LILRB5: variants seen among roughly 807,000 people sequenced by gnomAD.
LILRB5 encodes the protein leukocyte immunoglobulin-like receptor subfamily B member 5.
A neutral mutation model predicts 68.4 loss-of-function variants in LILRB5; 61 were observed. That is an observed-to-expected ratio of 0.89 (90% CI 0.73 to 1.10). The LOEUF is 1.10. Ranked by LOEUF, LILRB5 falls within the 50% of genes least tolerant of loss-of-function variation. The pLI, the probability that LILRB5 is intolerant of heterozygous loss-of-function variation, is 0.00. For synonymous variants in LILRB5, 356 were observed against 315.8 expected (o/e 1.13, Z -1.35); for missense variants, 771 against 751.6 (o/e 1.03, Z -0.30).
intron 7 of LILRB5, 126 bp downstream of exon 7, chr19:54,254,239 T>C (rs1340710812): frequency 8.3e-6 from 12 of 1,446,888 alleles, no homozygotes; most frequent in Non-Finnish European, 8.3e-6. Context: ...CTCCTCTGGC[T>C]CTGCCCAGCT....
chr19:54,257,059 C>T (rs1360934362), intron 1 of LILRB5, 63 bp from the exon 2 acceptor site: 26 of 1,613,912 alleles, frequency 1.6e-5, no homozygotes, highest in East Asian at 2.2e-5. Context: ...TCTCCTCCCT[C>T]GGAGCCTCTG....
At chr19:54,254,489 G>T in intron 6 of LILRB5, 74 bp from the exon 7 acceptor site, 1 of 1,479,934 alleles carries the variant, frequency 6.8e-7, no homozygotes, top group South Asian at 1.3e-5. Flanking sequence ...ACCTGCCCGT[G>T]GCTTCTCTGG....
intron 8 of LILRB5, chr19:54,253,682 G>A (rs988843300): frequency 5.3e-5 from 40 of 761,764 alleles, no homozygotes; most frequent in African/African-American, 4.6e-4. Flanking sequence ...ATGCGGCAGA[G>A]CTGGGAAGTG....
chr19:54,253,771 C>A, intron 8 of LILRB5: 1 of 1,371,852 alleles, frequency 7.3e-7, no homozygotes, highest in Non-Finnish European at 1.0e-6. Flanking sequence ...AGCCTGAATG[C>A]CCCAAACCAC....
intron 3 of LILRB5, 55 bp downstream of exon 3, chr19:54,256,434 C>A (rs114012168): frequency 6.2e-7 from 1 of 1,601,694 alleles, no homozygotes; most frequent in African/African-American, 1.3e-5. Context: ...CCCTAAGAGC[C>A]GACCCTCTTC....
intron 4 of LILRB5, 112 bp downstream of exon 4, chr19:54,255,931 C>T: frequency 1.1e-6 from 1 of 906,392 alleles, no homozygotes; most frequent in Non-Finnish European, 1.7e-6. Flanking sequence ...GCCTTCAGCC[C>T]ATCCATCAAC....
chr19:54,251,942 G>A (rs923546442), intron 12 of LILRB5, 112 bp downstream of exon 12: 3 of 1,109,748 alleles, frequency 2.7e-6, no homozygotes, highest in Non-Finnish European at 2.8e-6. Context: ...TGGACAAGGA[G>A]GGGTCCACCG....
Position 54,249,768 on chromosome 19 carries a change from C to T in LILRB5, c.*1018G>A, listed in dbSNP as rs2078889542. On this transcript the variant is annotated 3_prime_UTR_variant, in exon 13 of 13. Coordinates refer to ENST00000449561, the MANE Select transcript of LILRB5 (RefSeq NM_001081442.3). ...AATGTATGGGCTGGACGTGGTGGCT[C>T]ACGCCTGTAAGCCCAGCACTTTGGG... The T allele has an allele frequency of 6.6e-6, 1 of 152,364 alleles. No homozygotes were observed. Among genetic ancestry groups the T allele is most frequent in the East Asian group, 1.9e-4 (1 of 5,182 alleles). 9.4% of individuals were successfully genotyped at this position (152,364 alleles called of 1,614,324 possible). A position where few individuals can be genotyped will look rare whatever the true frequency, so the allele number is the denominator to read the frequency against.
At position 54,254,072 on chromosome 19, in the gene LILRB5, G is replaced by A. The variant is rs900153459; in HGVS notation, c.1307-4C>T. ...AGGGGCTGGTCCTCAGGGCCTGCTG[G>A]GTCAGGACGGGGAGGTGAGGGCTGG... On this transcript the variant is annotated splice_polypyrimidine_tract_variant and splice_region_variant and intron_variant, in intron 7 of 12. Coordinates refer to ENST00000449561, the MANE Select transcript of LILRB5 (RefSeq NM_001081442.3). The A allele has an allele frequency of 3.8e-6, 6 of 1,595,838 alleles. No individual in the cohort carries two copies. The highest frequency in any genetic ancestry group is 2.3e-5 in the East Asian group (1 of 44,276).
In LILRB5 at chr19:54,252,124, G is replaced by A. The variant is rs765481897; in HGVS notation, c.1577-18C>T. 1.2e-6 allele frequency: 2 copies of A among 1,613,770 alleles called. No homozygotes were observed. The highest frequency in any genetic ancestry group is 1.7e-6 in the Non-Finnish European group (2 of 1,179,750). ...GGCAGCATCTGCTGGGCCAGAGCAA[G>A]GGGTTCATCTCCTGGGAAGGTTCTC... On this transcript the variant is annotated intron_variant, in intron 11 of 12. Transcript: ENST00000449561.
chr19:54,252,104 C>T lies in LILRB5; in HGVS notation c.1579G>A (p.Ala527Thr), dbSNP rs1192804914. 1 of 1,614,088 alleles carries T rather than the reference C, an allele frequency of 6.2e-7. No homozygotes were observed. ...TTGGGCTGTGTGTCCTTCACGGCAG[C>T]ATCTGCTGGGCCAGAGCAAGGGGTT... ...VADIQEEILN[A>T]AVKDTQPKDG... The change falls in exon 12 of 13, where the codon GCT (alanine) becomes ACT (threonine). Residue 527 changes from alanine (A) to threonine (T), a missense_variant and splice_region_variant. By Grantham distance (58) the Ala-to-Thr change is moderately conservative (BLOSUM62 0). Coordinates refer to ENST00000449561, the MANE Select transcript of LILRB5 (RefSeq NM_001081442.3).
In LILRB5 at chr19:54,257,240, G is replaced by A. The variant is rs142649800; in HGVS notation, c.-47C>T. ...CAGCTGTGCAGGCGGATGAGACCAC[G>A]GTGCCTGGCAGGACACAAAAACACG... On this transcript the variant is annotated 5_prime_UTR_variant, in exon 1 of 13. Coordinates refer to ENST00000449561, the MANE Select transcript of LILRB5 (RefSeq NM_001081442.3). 4.4e-4 allele frequency: 712 copies of A among 1,613,002 alleles called. 4 individuals are homozygous for A. The African/African-American group carries it at 7.4e-3, about 17-fold the overall frequency.
chr19:54,256,328 G>T lies in LILRB5; in HGVS notation c.370C>A (p.Pro124Thr). ...ELVATGFYAE[P>T]TLLALPSPVV... Reference sequence around the variant, plus strand: ...GGACTCGGCAGGGCTAAAAGAGTGGGTTCTGCATAGAATCCTAGCAGAGAA... The same window carrying T: ...GGACTCGGCAGGGCTAAAAGAGTGGTTTCTGCATAGAATCCTAGCAGAGAA... Residue 124 changes from proline to threonine, a missense_variant, in exon 4 of 13, where the codon CCC becomes ACC. Pro to Thr is a conservative substitution (Grantham distance 38). Transcript: ENST00000449561. The T allele has an allele frequency of 6.2e-7, 1 of 1,607,770 alleles. No homozygotes were observed. The highest frequency in any genetic ancestry group is 8.5e-7 in the Non-Finnish European group (1 of 1,177,202).
Position 54,255,581 on chromosome 19 carries a change from G to A in LILRB5, c.657C>T (p.Gly219=). ...PSDLLEILVP[G]VSRKPSLLIP... ...TCAGGAGGGAGGGCTTCCTAGACACGCCTGGAGGGAAAGAGGAATTGGGAC... is the reference window on the plus strand; with the variant it reads ...TCAGGAGGGAGGGCTTCCTAGACACACCTGGAGGGAAAGAGGAATTGGGAC... The change falls in exon 5 of 13, where the codon GGC becomes GGT. Residue 219 remains glycine, a splice_region_variant and synonymous_variant. Transcript: ENST00000449561. 2.5e-6 allele frequency: 4 copies of A among 1,611,864 alleles called. No homozygotes were observed. Among genetic ancestry groups the A allele is most frequent in the Middle Eastern group, 1.7e-4 (1 of 6,042 alleles).
chr19:54,255,182 C>T, intron 5 of LILRB5, 104 bp downstream of exon 5: 2 of 1,517,458 alleles, frequency 1.3e-6, no homozygotes, highest in South Asian at 1.3e-5. Flanking sequence ...CTCTCCCTCC[C>T]TTGGGACCAC....
intron 12 of LILRB5, chr19:54,251,299 G>C: frequency 1.4e-5 from 12 of 843,054 alleles, no homozygotes. Flanking sequence ...CCCTAAGGCC[G>C]TGGAGGGTCT....
Position 54,252,349 on chromosome 19 carries a change from C to G in LILRB5, c.1576+17G>C, listed in dbSNP as rs752063431. ...TCCCTTGCCCACCCCAGGTGCCCTC[C>G]GCTTCTAGTCACTCACTGAGAATTT... On this transcript the variant is annotated intron_variant, in intron 11 of 12. Transcript: ENST00000449561. 2 of 1,613,632 alleles carry G rather than the reference C, an allele frequency of 1.2e-6. No homozygotes were observed. Among genetic ancestry groups the G allele is most frequent in the South Asian group, 2.2e-5 (2 of 91,050 alleles).
rs2078898004 is a variant in LILRB5, at chr19:54,250,049, A to AAAAC, written c.*733_*736dup. ...TCCGTCTCAAAAAACAAAACAAAAC[A>AAAAC]AAACAAAAACCCTCACACAAAAACC... On this transcript the variant is annotated 3_prime_UTR_variant, in exon 13 of 13. Coordinates refer to ENST00000449561, the MANE Select transcript of LILRB5 (RefSeq NM_001081442.3). The AAAAC allele has an allele frequency of 6.6e-6, 1 of 152,600 alleles. No individual in the cohort carries two copies. The highest frequency in any genetic ancestry group is 2.4e-5 in the African/African-American group (1 of 41,442). The allele number at this position is 152,600 out of a possible 1,614,324, so 9.5% of individuals were successfully genotyped here.
chr19:54,254,624 C>T (rs898543877), intron 6 of LILRB5, 111 bp downstream of exon 6: 41 of 1,401,900 alleles, frequency 2.9e-5, no homozygotes, highest in Non-Finnish European at 4.1e-5. Context: ...GGCTGAGCCC[C>T]CCTCAAACCC....
Sources: allele counts gnomAD v4.1 joint callset, GRCh38; gene constraint gnomAD v4.1.1; transcripts MANE v1.5; gene names NCBI Gene and HGNC (gene_info 2026-07-23, HGNC 2026-07-21).